ELP4: variants seen among roughly 807,000 people sequenced by gnomAD.
ELP4 encodes elongator complex protein 4.
In ELP4, 51 loss-of-function variants were observed where a neutral mutation model predicts 48.9. The observed-to-expected ratio is 1.04, with a 90% CI of 0.83 to 1.32. ELP4 has a LOEUF of 1.32. Ranked by LOEUF, ELP4 falls within the 40% of genes most tolerant of loss-of-function variation. ELP4 has a pLI of 0.00. For synonymous variants in ELP4, 210 were observed against 189.2 expected, an observed-to-expected ratio of 1.11 and a Z score of -0.90; for missense variants, 519 against 514.6, an observed-to-expected ratio of 1.01 and a Z score of -0.08.
chr11:31,713,939 T>C (rs1461350700), intron 9 of ELP4, among the ~76,000 whole-genome samples: 1 of 151,954 alleles, frequency 6.6e-6, no homozygotes, highest in Admixed American at 6.6e-5. Context: ...AGCTAAAATG[T>C]AGTTAGAGAA....
intron 9 of ELP4, among the ~76,000 whole-genome samples, chr11:31,728,212 G>C (rs903459307): frequency 6.6e-6 from 1 of 152,104 alleles, no homozygotes; most frequent in Admixed American, 6.5e-5. Flanking sequence ...AGAGGATGGA[G>C]CTAGGGAATT....
intron 2 of ELP4, among the ~76,000 whole-genome samples, chr11:31,524,657 A>G (rs1224512425): frequency 2.0e-5 from 3 of 152,218 alleles, no homozygotes; most frequent in African/African-American, 7.2e-5. Context: ...ATTTCCTGTA[A>G]TAGCAAAAAC....
At chr11:31,762,826 C>A (rs1434268607) in intron 9 of ELP4, among the ~76,000 whole-genome samples, 3 of 151,192 alleles carry the variant, frequency 2.0e-5, no homozygotes, top group Admixed American at 2.0e-4. Context: ...GATAAGTGTG[C>A]TTATTGGAAT....
At chr11:31,763,442 G>A in intron 9 of ELP4, 1 of 1,608,786 alleles carries the variant, frequency 6.2e-7, no homozygotes, top group Non-Finnish European at 8.5e-7. Context: ...AGACAAGAGA[G>A]GAACATTTAT....
chr11:31,587,038 C>A (rs930595849), intron 3 of ELP4, among the ~76,000 whole-genome samples: 4 of 152,234 alleles, frequency 2.6e-5, no homozygotes, highest in African/African-American at 9.6e-5. Context: ...CCTTTGACTA[C>A]CCTATTTTAA....
At chr11:31,700,098 T>C (rs1019833302) in intron 9 of ELP4, among the ~76,000 whole-genome samples, 1 of 152,130 alleles carries the variant, frequency 6.6e-6, no homozygotes, top group Admixed American at 6.6e-5. Context: ...TAGAAGAATG[T>C]CCTTGTCTTA....
chr11:31,552,072 T>C (rs1464244440), intron 3 of ELP4, among the ~76,000 whole-genome samples: 1 of 152,182 alleles, frequency 6.6e-6, no homozygotes, highest in Non-Finnish European at 1.5e-5. Context: ...CTCATCTGAC[T>C]TGCCTCATCA....
chr11:31,641,437 T>G (rs1945093394), intron 7 of ELP4, among the ~76,000 whole-genome samples: 1 of 151,928 alleles, frequency 6.6e-6, no homozygotes, highest in Non-Finnish European at 1.5e-5. Context: ...ATGCTATATT[T>G]TATGTTTATG....
At chr11:31,525,046 T>C (rs967256907) in intron 2 of ELP4, among the ~76,000 whole-genome samples, 8 of 152,316 alleles carry the variant, frequency 5.3e-5, no homozygotes, top group Non-Finnish European at 1.2e-4. Flanking sequence ...CACCTATTTT[T>C]GTAAATAAAA....
intron 9 of ELP4, among the ~76,000 whole-genome samples, chr11:31,703,148 G>C (rs1946562081): frequency 6.6e-6 from 1 of 152,162 alleles, no homozygotes; most frequent in African/African-American, 2.4e-5. Context: ...CACATGCAGA[G>C]GATCCAGTGA....
intron 7 of ELP4, among the ~76,000 whole-genome samples, chr11:31,645,235 A>G (rs79789951): frequency 1.3e-5 from 2 of 151,916 alleles, no homozygotes; most frequent in East Asian, 1.9e-4. Context: ...GAAAATTGTG[A>G]AATCTAGGCT....
At chr11:31,673,413 C>A (rs1013647438) in intron 9 of ELP4, among the ~76,000 whole-genome samples, 5 of 152,170 alleles carry the variant, frequency 3.3e-5, no homozygotes, top group Non-Finnish European at 7.3e-5. Flanking sequence ...TCACTGCAGC[C>A]TCAAATTCCT....
chr11:31,589,885 T>G (rs1028205721), intron 3 of ELP4, among the ~76,000 whole-genome samples: 2 of 152,180 alleles, frequency 1.3e-5, no homozygotes, highest in Admixed American at 6.5e-5. Flanking sequence ...TATGATACAT[T>G]ATTATCATGT....
At chr11:31,756,299 TTCACCACTG>T (rs920016850) in intron 9 of ELP4, among the ~76,000 whole-genome samples, 1 of 152,170 alleles carries the variant, frequency 6.6e-6, no homozygotes, top group African/African-American at 2.4e-5. Context: ...CCTTCATTGA[TTCACCACTG>T]CCTTCAGAAT....
intron 3 of ELP4, among the ~76,000 whole-genome samples, chr11:31,590,286 A>G (rs898386323): frequency 2.0e-5 from 3 of 152,120 alleles, no homozygotes; most frequent in Non-Finnish European, 2.9e-5. Context: ...AAATTTGTTC[A>G]CTGCTGTGTC....
chr11:31,647,622 T>C, intron 7 of ELP4, 119 bp from the exon 8 acceptor site: 1 of 614,824 alleles, frequency 1.6e-6, no homozygotes, highest in Admixed American at 2.8e-5. Flanking sequence ...TTTAAGTTAT[T>C]TCACTGTTGA....
At chr11:31,688,952 C>A (rs557578768) in intron 9 of ELP4, among the ~76,000 whole-genome samples, 1 of 152,114 alleles carries the variant, frequency 6.6e-6, no homozygotes, top group African/African-American at 2.4e-5. Flanking sequence ...TATTTGGTTT[C>A]TCTAATTTAT....
At chr11:31,683,703 A>C (rs1480827869) in intron 9 of ELP4, among the ~76,000 whole-genome samples, 1 of 152,234 alleles carries the variant, frequency 6.6e-6, no homozygotes, top group African/African-American at 2.4e-5. Context: ...CTAGAGATAC[A>C]AAAATAAGAC....
intron 9 of ELP4, among the ~76,000 whole-genome samples, chr11:31,704,568 G>A (rs12785723): frequency 5.9e-5 from 9 of 151,904 alleles, no homozygotes; most frequent in East Asian, 1.9e-4. Flanking sequence ...GCACACCAAC[G>A]TGGCACATGT....
Sources: allele counts gnomAD v4.1 joint callset (sites outside exome capture counted in the v4.1 genomes callset), GRCh38; gene constraint gnomAD v4.1.1; transcripts MANE v1.5; gene names NCBI Gene and HGNC (gene_info 2026-07-23, HGNC 2026-07-21).